Variants in IBTK observed in about 807,000 individuals in gnomAD.
IBTK encodes inhibitor of Bruton tyrosine kinase.
Under a neutral mutation model 154.9 loss-of-function variants are expected in IBTK, and 83 were observed. The observed-to-expected ratio is 0.54, with a 90% CI of 0.45 to 0.64. The LOEUF (loss-of-function observed/expected upper bound fraction) is 0.64. IBTK is among the 30% of genes least tolerant of loss of function. The pLI, the probability that IBTK is intolerant of heterozygous loss-of-function variation, is 0.00. For missense variants in IBTK, 1,332 were observed against 1,584.6 expected, an observed-to-expected ratio of 0.84 and a Z score of 2.71; for synonymous variants, 515 against 536.1, an observed-to-expected ratio of 0.96 and a Z score of 0.54.
chr6:82,190,122 C>T (rs1202118829), intron 25 of IBTK, among the ~76,000 whole-genome samples: 1 of 152,104 alleles, frequency 6.6e-6, no homozygotes, highest in Non-Finnish European at 1.5e-5. Flanking sequence ...TCTTATTTTA[C>T]TTTCTTTTTC....
At chr6:82,201,991 G>T (rs1769227640) in intron 18 of IBTK, among the ~76,000 whole-genome samples, 1 of 152,074 alleles carries the variant, frequency 6.6e-6, no homozygotes, top group African/African-American at 2.4e-5. Context: ...CTCCCAAAGT[G>T]CTGGGATTAC....
chr6:82,195,374 G>A (rs932305108), intron 22 of IBTK, among the ~76,000 whole-genome samples: 3 of 151,922 alleles, frequency 2.0e-5, no homozygotes, highest in East Asian at 1.9e-4. Flanking sequence ...CCAGGAGTTC[G>A]AGACCAGCCT....
chr6:82,222,789 C>G (rs1495559), intron 8 of IBTK, among the ~76,000 whole-genome samples: 6 of 151,456 alleles, frequency 4.0e-5, no homozygotes, highest in African/African-American at 1.5e-4. Flanking sequence ...TGAAGCTGGG[C>G]GCAGTGGCTC....
rs991496966 is a variant in IBTK, at chr6:82,240,598, T to C, written c.-112A>G. The C allele has an allele frequency of 2.6e-5, 21 of 821,286 alleles. No individual in the cohort carries two copies. Among genetic ancestry groups the C allele is most frequent in the African/African-American group, 5.1e-5 (3 of 58,522 alleles). The allele number at this position is 821,286 out of a possible 1,614,324, so 50.9% of individuals were successfully genotyped here. Reference sequence around the variant, plus strand: ...GAAGTTACAGAGAATAAATTACCTTTTTAGGATAATTTAAATCCTCCTGAC... The same window carrying C: ...GAAGTTACAGAGAATAAATTACCTTCTTAGGATAATTTAAATCCTCCTGAC... On this transcript the variant is annotated 5_prime_UTR_variant, in exon 2 of 29. Coordinates refer to ENST00000306270, the MANE Select transcript of IBTK (RefSeq NM_015525.4).
rs1198525848 is a variant in IBTK, at chr6:82,199,251, T to TTG, written c.3025+888_3025+889dup. On this transcript the variant is annotated intron_variant, in intron 21 of 28. Coordinates refer to ENST00000306270, the MANE Select transcript of IBTK (RefSeq NM_015525.4). ...GTCTCTGTATTGTGTGTGTGTGTGTTTGTGTGTGTGTGTAACACATGGAGG... is the reference window on the plus strand; with the variant it reads ...GTCTCTGTATTGTGTGTGTGTGTGTTTGTGTGTGTGTGTGTAACACATGGAGG... Among the ~76,000 whole-genome samples, 4 of 151,186 alleles carry TTG rather than the reference T, an allele frequency of 2.6e-5. No individual in the cohort carries two copies. The South Asian group carries it at 6.3e-4, about 24-fold the overall frequency.
intron 15 of IBTK, 56 bp downstream of exon 15, chr6:82,211,311 C>T: frequency 7.2e-7 from 1 of 1,395,180 alleles, no homozygotes; most frequent in Non-Finnish European, 9.9e-7. Flanking sequence ...ACATACTTTG[C>T]ACAAAATATA....
At chr6:82,222,352 C>T (rs1770130883) in intron 8 of IBTK, among the ~76,000 whole-genome samples, 1 of 152,126 alleles carries the variant, frequency 6.6e-6, no homozygotes, top group African/African-American at 2.4e-5. Context: ...TCCAGAATTC[C>T]TGTACACAAC....
chr6:82,171,164 G>C lies in IBTK; in HGVS notation c.*261C>G. On this transcript the variant is annotated 3_prime_UTR_variant, in exon 29 of 29. Coordinates refer to ENST00000306270, the MANE Select transcript of IBTK (RefSeq NM_015525.4). ...CAATCACTTATATTTTCCTTTGTTA[G>C]ATTATTCAGAAGAAACAATTCTATT... The C allele has an allele frequency of 4.5e-6, 1 of 221,708 alleles. No individual in the cohort carries two copies. Among genetic ancestry groups the C allele is most frequent in the Non-Finnish European group, 8.8e-6 (1 of 114,252 alleles). The allele number at this position is 221,708 out of a possible 1,614,324, so 13.7% of individuals were successfully genotyped here. A position where few individuals can be genotyped will look rare whatever the true frequency, so the allele number is the denominator to read the frequency against.
chr6:82,229,853 ATATGGG>A (rs1770442198), intron 4 of IBTK, among the ~76,000 whole-genome samples: 1 of 152,130 alleles, frequency 6.6e-6, no homozygotes, highest in African/African-American at 2.4e-5. Context: ...TTTCATTCCT[ATATGGG>A]TTTTTATTCC....
intron 9 of IBTK, among the ~76,000 whole-genome samples, chr6:82,219,413 T>C (rs939730110): frequency 6.6e-6 from 1 of 152,200 alleles, no homozygotes; most frequent in African/African-American, 2.4e-5. Context: ...CAGCACATTA[T>C]AAACCTCGGA....
At chr6:82,205,177 G>T (rs1005178465) in intron 16 of IBTK, 15 of 310,842 alleles carry the variant, frequency 4.8e-5, no homozygotes, top group Admixed American at 2.5e-4. Flanking sequence ...TATTTTTTAG[G>T]TAGAAAGCTG....
At chr6:82,177,271 G>T (rs563029774) in intron 26 of IBTK, among the ~76,000 whole-genome samples, 1 of 151,898 alleles carries the variant, frequency 6.6e-6, no homozygotes, top group Non-Finnish European at 1.5e-5. Context: ...GTGCGGTGAC[G>T]TGATCCTGGC....
chr6:82,199,395 A>G (rs531457611), intron 21 of IBTK, among the ~76,000 whole-genome samples: 2 of 152,318 alleles, frequency 1.3e-5, no homozygotes, highest in Admixed American at 6.5e-5. Context: ...TCATCTTTTC[A>G]GTAAGTTAAA....
chr6:82,224,563 C>T (rs549344671), intron 6 of IBTK, among the ~76,000 whole-genome samples: 1 of 152,310 alleles, frequency 6.6e-6, no homozygotes, highest in South Asian at 2.1e-4. Flanking sequence ...TCAATAGTGG[C>T]ATTATTGACA....
At chr6:82,216,929 G>C (rs1769897264) in intron 10 of IBTK, among the ~76,000 whole-genome samples, 1 of 152,112 alleles carries the variant, frequency 6.6e-6, no homozygotes, top group Non-Finnish European at 1.5e-5. Flanking sequence ...AATGATTCTG[G>C]TTGTAGTGTG....
intron 4 of IBTK, among the ~76,000 whole-genome samples, chr6:82,228,057 T>C (rs948082530): frequency 6.6e-6 from 1 of 152,032 alleles, no homozygotes; most frequent in Non-Finnish European, 1.5e-5. Context: ...TATATATATT[T>C]ACATATCTAA....
intron 1 of IBTK, among the ~76,000 whole-genome samples, chr6:82,241,588 C>T (rs1399301366): frequency 1.3e-5 from 2 of 152,218 alleles, no homozygotes; most frequent in Admixed American, 6.5e-5. Context: ...AACAAAAAAA[C>T]GAAACTACAA....
chr6:82,175,881 T>C (rs369535396), intron 26 of IBTK, among the ~76,000 whole-genome samples: 105 of 151,806 alleles, frequency 6.9e-4, no homozygotes, highest in African/African-American at 2.5e-3. Flanking sequence ...AATACAAAAT[T>C]AGCCAGGCTT....
rs1767923486 is a variant in IBTK at position 82,171,366 on chromosome 6, C to T, written c.*59G>A. The stretch of plus-strand genomic sequence containing the variant: ...AAATCTCTAAGACTCTTTTCCACAG[C>T]TTTTCTTTATATGAACAAACTCATA... On this transcript the variant is annotated 3_prime_UTR_variant, in exon 29 of 29. Coordinates refer to ENST00000306270, the MANE Select transcript of IBTK (RefSeq NM_015525.4). 2.7e-6 allele frequency: 4 copies of T among 1,459,856 alleles called. No homozygotes were observed. Among genetic ancestry groups the T allele is most frequent in the Admixed American group, 2.1e-5 (1 of 48,054 alleles). 90.4% of individuals were successfully genotyped at this position (1,459,856 alleles called of 1,614,324 possible). A position where few individuals can be genotyped will look rare whatever the true frequency, so the allele number is the denominator to read the frequency against.
Sources: gnomAD v4.1 joint callset for allele counts (sites outside exome capture counted in the v4.1 genomes callset) on GRCh38, gnomAD v4.1.1 for gene constraint, MANE v1.5 for transcripts, NCBI Gene and HGNC (gene_info 2026-07-23, HGNC 2026-07-21) for gene names.